CRISPLD2: variants seen among roughly 807,000 people sequenced by gnomAD.
CRISPLD2 encodes the protein cysteine rich secretory protein LCCL domain containing 2, also known as cysteine-rich secretory protein LCCL domain-containing 2.
A neutral mutation model predicts 71.1 loss-of-function variants in CRISPLD2; 47 were observed. The ratio of observed to expected loss-of-function variants is 0.66; its 90% confidence interval spans 0.52 to 0.84. The LOEUF (loss-of-function observed/expected upper bound fraction) is 0.84, where lower values mean the gene tolerates loss of function less well. CRISPLD2 is among the 40% of genes least tolerant of loss of function. The probability of loss-of-function intolerance (pLI) is 0.00; values close to 1 mark genes in which losing one functional copy is unlikely to be tolerated. For missense variants in CRISPLD2, 830 were observed against 651.1 expected, an observed-to-expected ratio of 1.27 and a Z score of -2.99; for synonymous variants, 317 against 250.1, an observed-to-expected ratio of 1.27 and a Z score of -2.52.
At chr16:84,867,869 G>C (rs4303473) in intron 7 of CRISPLD2, among the ~76,000 whole-genome samples, 61,022 of 152,022 alleles carry the variant, frequency 0.4, 12,545 homozygotes, top group Admixed American at 0.52. Flanking sequence ...CTTTTGTTCT[G>C]TCTGCCTTCA....
Position 84,906,574 on chromosome 16 carries a change from C to A in CRISPLD2, c.1440-14C>A. 1 of 1,612,320 alleles carries A rather than the reference C, an allele frequency of 6.2e-7. No homozygotes were observed. Among genetic ancestry groups the A allele is most frequent in the East Asian group, 2.2e-5 (1 of 44,874 alleles). On this transcript the variant is annotated splice_polypyrimidine_tract_variant and intron_variant, in intron 14 of 14. Transcript: ENST00000262424. ...GATCTCTCAGTAACGGGCCCTCTTTCTTCTTTTTTTCAGCCTGGGGACTCC... is the reference window on the plus strand; with the variant it reads ...GATCTCTCAGTAACGGGCCCTCTTTATTCTTTTTTTCAGCCTGGGGACTCC...
At chr16:84,833,735 G>A (rs926481533) in intron 1 of CRISPLD2, among the ~76,000 whole-genome samples, 1 of 152,192 alleles carries the variant, frequency 6.6e-6, no homozygotes, top group Non-Finnish European at 1.5e-5. Context: ...GGGGGGGCGT[G>A]TTTGTGTTGG....
At chr16:84,822,659 A>G (rs1231198720) in intron 1 of CRISPLD2, among the ~76,000 whole-genome samples, 2 of 152,232 alleles carry the variant, frequency 1.3e-5, no homozygotes, top group Non-Finnish European at 2.9e-5. Context: ...GGAAAATTCA[A>G]TCTGGGCATA....
At chr16:84,875,829 G>A (rs1019240085) in intron 11 of CRISPLD2, among the ~76,000 whole-genome samples, 1 of 151,052 alleles carries the variant, frequency 6.6e-6, no homozygotes, top group African/African-American at 2.4e-5. Context: ...GCCTCCCCAA[G>A]TGCTAGGATT....
At chr16:84,858,013 G>T (rs541476395) in intron 6 of CRISPLD2, among the ~76,000 whole-genome samples, 1 of 152,160 alleles carries the variant, frequency 6.6e-6, no homozygotes, top group Non-Finnish European at 1.5e-5. Flanking sequence ...CAAACGTTCA[G>T]TTTCCACCAA....
At chr16:84,858,921 C>A (rs892265382) in intron 6 of CRISPLD2, among the ~76,000 whole-genome samples, 5 of 152,142 alleles carry the variant, frequency 3.3e-5, no homozygotes, top group Non-Finnish European at 5.9e-5. Flanking sequence ...GTTAAGCTTG[C>A]GATAATCCAC....
intron 6 of CRISPLD2, among the ~76,000 whole-genome samples, chr16:84,855,117 G>A (rs1917202166): frequency 2.0e-5 from 3 of 152,026 alleles, no homozygotes; most frequent in African/African-American, 7.3e-5. Context: ...AAATGCAGAC[G>A]CACTGCTCAC....
intron 14 of CRISPLD2, among the ~76,000 whole-genome samples, chr16:84,895,403 C>A (rs531881108): frequency 6.6e-6 from 1 of 152,090 alleles, no homozygotes; most frequent in African/African-American, 2.4e-5. Flanking sequence ...CCTGTCTTTA[C>A]GATACAAGAA....
chr16:84,855,027 T>C (rs1917199046), intron 6 of CRISPLD2, among the ~76,000 whole-genome samples, 198 bp downstream of exon 6: 2 of 152,148 alleles, frequency 1.3e-5, no homozygotes, highest in African/African-American at 4.8e-5. Context: ...TCCAGGCCCC[T>C]GGAGAGCCCC....
chr16:84,860,324 A>G (rs1236387078), intron 6 of CRISPLD2, among the ~76,000 whole-genome samples: 1 of 152,190 alleles, frequency 6.6e-6, no homozygotes, highest in Non-Finnish European at 1.5e-5. Context: ...TACACCCTTA[A>G]TATCCATTCC....
chr16:84,874,991 AG>A, intron 11 of CRISPLD2, among the ~76,000 whole-genome samples: 1 of 152,322 alleles, frequency 6.6e-6, no homozygotes. Context: ...CTGTAATCTC[AG>A]CACTTTGGGA....
chr16:84,861,248 A>G (rs7191455), intron 6 of CRISPLD2, among the ~76,000 whole-genome samples: 11,467 of 152,178 alleles, frequency 0.075, 485 homozygotes, highest in South Asian at 0.12. Flanking sequence ...CATCCTTAAT[A>G]TTGTGTTCCT....
In CRISPLD2 at chr16:84,868,848, T is replaced by G; in HGVS notation, c.854-3T>G. The stretch of plus-strand genomic sequence containing the variant: ...GACATGTATTCCCGCATTTCTCTCC[T>G]AGCCCAAGTCGTCAGATGTGACACC... On this transcript the variant is annotated splice_polypyrimidine_tract_variant and splice_region_variant and intron_variant, in intron 7 of 14. Transcript: ENST00000262424. 6.2e-6 allele frequency: 10 copies of G among 1,612,124 alleles called. No individual in the cohort carries two copies. Among genetic ancestry groups the G allele is most frequent in the Non-Finnish European group, 8.5e-6 (10 of 1,179,044 alleles).
intron 2 of CRISPLD2, among the ~76,000 whole-genome samples, chr16:84,840,616 C>A (rs1329073266): frequency 3.9e-5 from 6 of 152,158 alleles, no homozygotes; most frequent in African/African-American, 1.4e-4. Context: ...AAGCAATTCT[C>A]CTGACTCTGC....
chr16:84,863,022 C>T (rs1373721808), intron 6 of CRISPLD2: 3 of 152,162 alleles, frequency 2.0e-5, no homozygotes, highest in African/African-American at 7.2e-5. Flanking sequence ...TGGTGTGACC[C>T]CCGCCTCCAG....
rs67724936 is a variant in CRISPLD2 at position 84,849,892 on chromosome 16, ATT to A, written c.492+391_492+392del. Among the ~76,000 whole-genome samples, 456 of 129,936 alleles carry A rather than the reference ATT, an allele frequency of 3.5e-3. 1 individual carries two copies. Among genetic ancestry groups the A allele is most frequent in the Middle Eastern group, 0.015 (4 of 272 alleles). The allele number at this position is 129,936 out of a possible 152,430, so 85.2% of individuals were successfully genotyped here. On this transcript the variant is annotated intron_variant, in intron 4 of 14. Coordinates refer to ENST00000262424, the MANE Select transcript of CRISPLD2 (RefSeq NM_031476.4). ...ACTACGAGGCCTGGCTAATTTTTGT[ATT>A]TTTTTTTTTTTTTTTAGAGATGGGT... is the stretch of plus-strand genomic sequence containing the variant.
intron 2 of CRISPLD2, among the ~76,000 whole-genome samples, chr16:84,844,562 T>C (rs9745776): frequency 0.8 from 121,397 of 151,736 alleles, 48,684 homozygotes; most frequent in South Asian, 0.83. Flanking sequence ...GGGGTTTCAC[T>C]ATGTTGGGCA....
intron 6 of CRISPLD2, among the ~76,000 whole-genome samples, chr16:84,866,389 C>G (rs1443264606): frequency 1.3e-5 from 2 of 152,138 alleles, no homozygotes; most frequent in African/African-American, 4.8e-5. Context: ...GCGTCCGCCA[C>G]CATGCCCAGC....
chr16:84,829,876 G>A (rs779373067), intron 1 of CRISPLD2, among the ~76,000 whole-genome samples: 11 of 152,232 alleles, frequency 7.2e-5, no homozygotes, highest in Non-Finnish European at 1.3e-4. Flanking sequence ...CCCAGGCCAC[G>A]CCTGCGGCAG....
Sources: allele counts gnomAD v4.1 joint callset (sites outside exome capture counted in the v4.1 genomes callset), GRCh38; gene constraint gnomAD v4.1.1; transcripts MANE v1.5; gene names NCBI Gene and HGNC (gene_info 2026-07-23, HGNC 2026-07-21).